The following TRIM75 variants were observed in gnomAD, a reference collection of about 807,000 sequenced individuals.
TRIM75 encodes tripartite motif-containing protein 75.
At chr4:165,054,483 G>A in the TRIM75 span, among the ~76,000 whole-genome samples, 1 of 152,068 alleles carries the variant, frequency 6.6e-6, no homozygotes, top group Non-Finnish European at 1.5e-5. Flanking sequence ...TGGCCAGTAT[G>A]GTCTCGATCT....
At chr4:165,060,259 C>G in the TRIM75 span, 6 of 780,876 alleles carry the variant, frequency 7.7e-6, no homozygotes, top group South Asian at 5.4e-5. Flanking sequence ...GATTCTCTTC[C>G]CACAAAGGCG....
the TRIM75 span, chr4:165,059,437 G>A: frequency 1.3e-6 from 1 of 780,910 alleles, no homozygotes. Flanking sequence ...ACCACCTTGT[G>A]CGAGAAACAC....
the TRIM75 span, chr4:165,059,933 T>C: frequency 1.3e-6 from 1 of 779,900 alleles, no homozygotes; most frequent in Non-Finnish European, 2.4e-6. Flanking sequence ...AAAATGAGAG[T>C]AGCCCATCGA....
At chr4:165,058,198 C>T in the TRIM75 span, among the ~76,000 whole-genome samples, 3 of 151,260 alleles carry the variant, frequency 2.0e-5, no homozygotes, top group African/African-American at 7.3e-5. Flanking sequence ...GACAAGGTCT[C>T]ACTCTGTCAC....
the TRIM75 span, among the ~76,000 whole-genome samples, chr4:165,053,884 G>A: frequency 2.0e-5 from 3 of 151,670 alleles, no homozygotes; most frequent in African/African-American, 7.3e-5. Context: ...TGTGTGTTTA[G>A]TTAGTATCTA....
chr4:165,057,038 T>A, the TRIM75 span, among the ~76,000 whole-genome samples: 3 of 152,216 alleles, frequency 2.0e-5, no homozygotes, highest in African/African-American at 7.2e-5. Flanking sequence ...CGCTTTTTTT[T>A]ATCCTAGGAT....
the TRIM75 span, chr4:165,059,169 A>G: frequency 1.3e-6 from 1 of 778,738 alleles, no homozygotes; most frequent in Non-Finnish European, 2.4e-6. Context: ...AGCAGCTCTG[A>G]CCGGACTCCA....
the TRIM75 span, among the ~76,000 whole-genome samples, chr4:165,054,671 A>AGGC: frequency 6.6e-6 from 1 of 152,138 alleles, no homozygotes; most frequent in Non-Finnish European, 1.5e-5. Flanking sequence ...AAGTGCTGGG[A>AGGC]TTGCAGGCAT....
chr4:165,059,171 C>G, the TRIM75 span: 10 of 778,460 alleles, frequency 1.3e-5, no homozygotes, highest in South Asian at 1.4e-4. Flanking sequence ...CAGCTCTGAC[C>G]GGACTCCAAG....
the TRIM75 span, chr4:165,060,002 G>T: frequency 5.2e-6 from 4 of 774,830 alleles, no homozygotes; most frequent in East Asian, 4.9e-5. Context: ...ATTCTGCTCT[G>T]CAGAGAATTA....
At chr4:165,054,266 A>ATTTTTTT in the TRIM75 span, among the ~76,000 whole-genome samples, 7 of 96,860 alleles carry the variant, frequency 7.2e-5, no homozygotes, top group East Asian at 6.9e-4. Flanking sequence ...TAATTTGTGT[A>ATTTTTTT]TTTTTTTTTT....
the TRIM75 span, chr4:165,059,139 G>A: frequency 3.1e-3 from 2,370 of 765,666 alleles, 33 homozygotes; most frequent in African/African-American, 0.036. Flanking sequence ...GACCTTCACC[G>A]ACAGCCCAAT....
At chr4:165,056,918 A>G in the TRIM75 span, among the ~76,000 whole-genome samples, 54 of 152,080 alleles carry the variant, frequency 3.6e-4, no homozygotes, top group African/African-American at 1.2e-3. Flanking sequence ...CGCCCGGCCA[A>G]TCCATTTTCT....
the TRIM75 span, among the ~76,000 whole-genome samples, chr4:165,057,486 C>T: frequency 6.6e-6 from 1 of 152,110 alleles, no homozygotes; most frequent in Non-Finnish European, 1.5e-5. Context: ...TTAGCATTGT[C>T]AAATTACAAT....
At chr4:165,057,249 C>T in the TRIM75 span, among the ~76,000 whole-genome samples, 2 of 152,048 alleles carry the variant, frequency 1.3e-5, no homozygotes, top group Non-Finnish European at 1.5e-5. Context: ...GTGGCTCACA[C>T]CTGTAATCCT....
the TRIM75 span, chr4:165,059,401 A>T: frequency 1.3e-6 from 1 of 780,856 alleles, no homozygotes; most frequent in Non-Finnish European, 2.4e-6. Flanking sequence ...CAGAGCACCA[A>T]GAGTAATAAA....
At chr4:165,059,647 A>G in the TRIM75 span, 1 of 780,946 alleles carries the variant, frequency 1.3e-6, no homozygotes, top group Non-Finnish European at 2.4e-6. Flanking sequence ...ACTCAAAGCA[A>G]AAAACCCTTA....
the TRIM75 span, among the ~76,000 whole-genome samples, chr4:165,058,549 C>A: frequency 6.6e-6 from 1 of 152,026 alleles, no homozygotes; most frequent in African/African-American, 2.4e-5. Context: ...GGTCTCTATG[C>A]CTCAGGGCCT....
the TRIM75 span, chr4:165,060,302 G>C: frequency 9.0e-6 from 7 of 780,926 alleles, no homozygotes; most frequent in South Asian, 8.0e-5. Flanking sequence ...AGGAATGTTG[G>C]AGAATTGAGC....
Sources: allele counts gnomAD v4.1 joint callset (sites outside exome capture counted in the v4.1 genomes callset), GRCh38; gene constraint gnomAD v4.1.1; transcripts MANE v1.5; gene names NCBI Gene and HGNC (gene_info 2026-07-23, HGNC 2026-07-21).